Variants in UQCC1 observed in about 807,000 individuals in gnomAD.
UQCC1 encodes bFGF-repressed Zic-binding protein.
Under a neutral mutation model 48.0 loss-of-function variants are expected in UQCC1, and 38 were observed. That is an observed-to-expected ratio of 0.79 (90% CI 0.61 to 1.04). The LOEUF (loss-of-function observed/expected upper bound fraction) is 1.04, where lower values mean the gene tolerates loss of function less well. Among genes scored for constraint, UQCC1 ranks in the 50% least tolerant of loss-of-function variants. The pLI is 0.00. For synonymous variants in UQCC1, 111 were observed against 129.2 expected, an observed-to-expected ratio of 0.86 and a Z score of 0.95; for missense variants, 368 against 381.8, an observed-to-expected ratio of 0.96 and a Z score of 0.30.
At chr20:35,324,033 C>T (rs1025514614) in intron 7 of UQCC1, among the ~76,000 whole-genome samples, 10 of 152,230 alleles carry the variant, frequency 6.6e-5, no homozygotes, top group Admixed American at 3.9e-4. Context: ...GGCAGGAGAA[C>T]TGCTTGAGGC....
chr20:35,342,617 C>T (rs377486618), intron 7 of UQCC1, among the ~76,000 whole-genome samples: 20 of 152,212 alleles, frequency 1.3e-4, no homozygotes, highest in East Asian at 9.6e-4. Flanking sequence ...TAGTTCTTTA[C>T]TCTTACCAAC....
Position 35,304,056 on chromosome 20 carries a change from TCCAGGTACTGTATCTGCAA to T in UQCC1, c.766-6_778del. Reference sequence around the variant, plus strand: ...AAGCAGATCCTCCCCGTTCATGGAGTCCAGGTACTGTATCTGCAACCAGGGGAGGGGGAAGGAGGAAGCG... The same window carrying T: ...AAGCAGATCCTCCCCGTTCATGGAGTCCAGGGGAGGGGGAAGGAGGAAGCG... On this transcript the variant is annotated splice_acceptor_variant and splice_polypyrimidine_tract_variant and coding_sequence_variant and intron_variant, in exon 10 of 10. Coordinates refer to ENST00000374385, the MANE Select transcript of UQCC1 (RefSeq NM_018244.5). LOFTEE classifies it high-confidence loss of function. 2 of 1,613,790 alleles carry T rather than the reference TCCAGGTACTGTATCTGCAA, an allele frequency of 1.2e-6. No homozygotes were observed. The highest frequency in any genetic ancestry group is 1.7e-6 in the Non-Finnish European group (2 of 1,179,904).
At chr20:35,355,360 AG>A (rs1354517933) in intron 6 of UQCC1, among the ~76,000 whole-genome samples, 2 of 152,238 alleles carry the variant, frequency 1.3e-5, no homozygotes, top group Non-Finnish European at 2.9e-5. Context: ...TGGGAAAATA[AG>A]GTTCTGATCC....
Position 35,306,795 on chromosome 20 carries a change from C to CAG in UQCC1, c.652-18_652-17dup. 1.3e-6 allele frequency: 2 copies of CAG among 1,592,208 alleles called. No individual in the cohort carries two copies. The highest frequency in any genetic ancestry group is 1.7e-6 in the Non-Finnish European group (2 of 1,160,098). On this transcript the variant is annotated splice_polypyrimidine_tract_variant and intron_variant, in intron 8 of 9. Transcript: ENST00000374385. ...AAAGGATCCCCTGGAACATACAGCA[C>CAG]AGCAGTGGTCTCCTGAGGGATCCAC... is the stretch of plus-strand genomic sequence containing the variant.
At chr20:35,378,460 T>C (rs1030322341) in intron 4 of UQCC1, among the ~76,000 whole-genome samples, 5 of 151,972 alleles carry the variant, frequency 3.3e-5, no homozygotes, top group African/African-American at 2.4e-5. Context: ...TGAAACCTCA[T>C]CTCTACTAAA....
chr20:35,403,224 G>A (rs532204997), intron 1 of UQCC1, among the ~76,000 whole-genome samples: 5 of 152,310 alleles, frequency 3.3e-5, no homozygotes, highest in Admixed American at 3.3e-4. Flanking sequence ...AGAGAAAGGA[G>A]TTAACAAATA....
Position 35,384,759 on chromosome 20 carries a change from A to G in UQCC1, c.130-626T>C. 3 of 368,552 alleles carry G rather than the reference A, an allele frequency of 8.1e-6. No homozygotes were observed. The Admixed American group carries it at 1.0e-4, about 12-fold the overall frequency. The allele number at this position is 368,552 out of a possible 1,614,324, so 22.8% of individuals were successfully genotyped here. ...CGAGGTGGATGGATCACTTGAGGTC[A>G]GGAGTTTGAGAGCCTGGCCAATATG... On this transcript the variant is annotated intron_variant, in intron 2 of 9. Transcript: ENST00000374385.
chr20:35,362,786 G>A (rs1488618923), intron 6 of UQCC1, among the ~76,000 whole-genome samples: 1 of 152,274 alleles, frequency 6.6e-6, no homozygotes, highest in East Asian at 1.9e-4. Flanking sequence ...TGGGGATAGG[G>A]AAGCTAGAGG....
chr20:35,307,812 T>G (rs1225558038), intron 8 of UQCC1, among the ~76,000 whole-genome samples: 3 of 152,158 alleles, frequency 2.0e-5, no homozygotes, highest in African/African-American at 7.2e-5. Context: ...ATACAAAGAT[T>G]AGGAGCATGC....
chr20:35,345,022 C>A (rs970336383), intron 7 of UQCC1: 12 of 152,270 alleles, frequency 7.9e-5, no homozygotes, highest in Non-Finnish European at 1.5e-4. Context: ...GATAGCTGAA[C>A]AGGTGGAGGT....
chr20:35,374,229 A>G lies in UQCC1; in HGVS notation c.361T>C (p.Tyr121His). 6.2e-7 allele frequency: 1 copy of G among 1,613,062 alleles called. No homozygotes were observed. Among genetic ancestry groups the G allele is most frequent in the Admixed American group, 1.7e-5 (1 of 59,820 alleles). ...WKIKIAALRM[Y>H]TSCVEKTDFE... ...TCAGTTTTCTCCACACAGCTAGTAT[A>G]CATGCGCAGGGCCGCAATCTTAATC... is the stretch of plus-strand genomic sequence containing the variant. Residue 121 changes from tyrosine to histidine, a missense_variant, in exon 5 of 10, where the codon TAT (tyrosine) becomes CAT (histidine). Tyr to His is a moderately conservative substitution (Grantham distance 83). Coordinates refer to ENST00000374385, the MANE Select transcript of UQCC1 (RefSeq NM_018244.5).
At chr20:35,304,202 G>C (rs918281767) in intron 9 of UQCC1, 133 bp from the exon 10 acceptor site, 1 of 1,210,828 alleles carries the variant, frequency 8.3e-7, no homozygotes, top group Non-Finnish European at 1.1e-6. Flanking sequence ...ACCATCCCAG[G>C]TCCCAGACCA....
chr20:35,351,431 C>T (rs991758825), intron 6 of UQCC1, among the ~76,000 whole-genome samples: 1 of 147,988 alleles, frequency 6.8e-6, no homozygotes, highest in African/African-American at 2.5e-5. Flanking sequence ...AATAATGAAA[C>T]AGGTCACAGA....
At chr20:35,325,416 T>C (rs1251174823) in intron 7 of UQCC1, among the ~76,000 whole-genome samples, 1 of 152,248 alleles carries the variant, frequency 6.6e-6, no homozygotes, top group Non-Finnish European at 1.5e-5. Context: ...GGCATTTCAA[T>C]CTGTGACTTA....
intron 7 of UQCC1, among the ~76,000 whole-genome samples, chr20:35,326,553 C>T (rs1238663130): frequency 6.6e-6 from 1 of 152,156 alleles, no homozygotes; most frequent in African/African-American, 2.4e-5. Flanking sequence ...CACACCAGGG[C>T]CTAGGAGCCT....
At chr20:35,319,391 G>C (rs1000935302) in intron 7 of UQCC1, among the ~76,000 whole-genome samples, 4 of 152,186 alleles carry the variant, frequency 2.6e-5, no homozygotes, top group Non-Finnish European at 5.9e-5. Context: ...AGCTGAAATG[G>C]GGAGGGGAGT....
chr20:35,341,486 G>A (rs1223213992), intron 7 of UQCC1, among the ~76,000 whole-genome samples: 1 of 152,094 alleles, frequency 6.6e-6, no homozygotes, highest in Non-Finnish European at 1.5e-5. Flanking sequence ...GGGCCTGCAG[G>A]ACTGGCTTCC....
intron 6 of UQCC1, among the ~76,000 whole-genome samples, chr20:35,356,177 C>T (rs2061544886): frequency 6.6e-6 from 1 of 152,190 alleles, no homozygotes; most frequent in Non-Finnish European, 1.5e-5. Flanking sequence ...GCGTGAGCCA[C>T]CACACCAGGC....
At chr20:35,306,084 T>C (rs2060925387) in intron 9 of UQCC1, among the ~76,000 whole-genome samples, 1 of 152,130 alleles carries the variant, frequency 6.6e-6, no homozygotes, top group African/African-American at 2.4e-5. Context: ...AGGACAGCTA[T>C]GTGGGTAAGC....
Sources: gnomAD v4.1 joint callset for allele counts (sites outside exome capture counted in the v4.1 genomes callset) on GRCh38, gnomAD v4.1.1 for gene constraint, MANE v1.5 for transcripts, NCBI Gene and HGNC (gene_info 2026-07-23, HGNC 2026-07-21) for gene names.